Variants in EWSR1 observed in about 807,000 individuals in gnomAD.
EWSR1 encodes the protein EWS RNA binding protein 1.
In EWSR1, 14 loss-of-function variants were observed where a neutral mutation model predicts 92.1. That is an observed-to-expected ratio of 0.15 (90% CI 0.10 to 0.24). The LOEUF is 0.24. Among genes scored for constraint, EWSR1 ranks in the 10% least tolerant of loss-of-function variants. The pLI is 1.00. For missense variants in EWSR1, 637 were observed against 870.9 expected (o/e 0.73, Z 3.38); for synonymous variants, 303 against 292.9 (o/e 1.03, Z -0.35).
At chr22:29,270,777 A>G (rs1472141331) in intron 1 of EWSR1, among the ~76,000 whole-genome samples, 1 of 152,208 alleles carries the variant, frequency 6.6e-6, no homozygotes, top group Non-Finnish European at 1.5e-5. Flanking sequence ...TGCTGTGTTT[A>G]TTTTGTAGAT....
chr22:29,291,944 GA>G, intron 9 of EWSR1, 192 bp from the exon 10 acceptor site: 1 of 615,508 alleles, frequency 1.6e-6, no homozygotes, highest in Non-Finnish European at 2.9e-6. Context: ...ACCAGCAAAG[GA>G]AAAAAGCAAA....
chr22:29,297,963 GCTC>G lies in EWSR1; in HGVS notation c.1417+17_1417+19del, dbSNP rs754083234. ...CACTCCGTGGAGGTACTTTTTCTGA[GCTC>G]CTATGTTGCATTAAAAGGTTTTCAG... is the stretch of plus-strand genomic sequence containing the variant. On this transcript the variant is annotated intron_variant, in intron 13 of 16. Transcript: ENST00000397938. The G allele has an allele frequency of 1.9e-6, 3 of 1,608,556 alleles. No individual in the cohort carries two copies. The South Asian group carries it at 3.3e-5, about 18-fold the overall frequency.
chr22:29,282,614 T>G, intron 6 of EWSR1, 57 bp downstream of exon 6: 2 of 1,436,702 alleles, frequency 1.4e-6, no homozygotes, highest in South Asian at 1.6e-5. Flanking sequence ...TTTTTCAGGT[T>G]GTTGACCAGC....
At chr22:29,268,755 G>C (rs1455055405) in intron 1 of EWSR1, among the ~76,000 whole-genome samples, 1 of 152,264 alleles carries the variant, frequency 6.6e-6, no homozygotes, top group Admixed American at 6.5e-5. Flanking sequence ...GCAGGCTGCT[G>C]TCCCTGTGAG....
intron 8 of EWSR1, 98 bp downstream of exon 8, chr22:29,288,884 C>A: frequency 8.5e-7 from 1 of 1,172,494 alleles, no homozygotes; most frequent in Non-Finnish European, 1.2e-6. Context: ...TTAATTTCTG[C>A]ATTTCCATGG....
Position 29,287,164 on chromosome 22 carries a change from G to A in EWSR1, c.793+30G>A, listed in dbSNP as rs772653683. 7 of 1,599,588 alleles carry A rather than the reference G, an allele frequency of 4.4e-6. No homozygotes were observed. In the South Asian group the frequency reaches 6.7e-5, roughly 15 times the overall value. ...GTTGCTAAGAGAGAAAACCAAATAA[G>A]AATGAATGTGTTTAGAGTTTTTTTG... On this transcript the variant is annotated intron_variant, in intron 7 of 16. Transcript: ENST00000397938.
Position 29,300,142 on chromosome 22 carries a change from G to T in EWSR1, c.1952G>T (p.Arg651Leu). 6.2e-7 allele frequency: 1 copy of T among 1,600,544 alleles called. No individual in the cohort carries two copies. Among genetic ancestry groups the T allele is most frequent in the Non-Finnish European group, 8.5e-7 (1 of 1,176,468 alleles). Residue 651 changes from arginine (R) to leucine (L), a missense_variant, in exon 17 of 17, where the codon CGC becomes CTC. Physicochemically the swap from Arg to Leu is moderately radical, Grantham distance 102. Transcript: ENST00000397938. ...KMDKGEHRQE[R>L]RDRPY ...TGCAGAGGCGAGCACCGTCAGGAGC[G>T]CAGAGATCGGCCCTACTAGATGCAG...
At chr22:29,279,740 C>T (rs2059414230) in intron 5 of EWSR1, among the ~76,000 whole-genome samples, 1 of 152,196 alleles carries the variant, frequency 6.6e-6, no homozygotes, top group African/African-American at 2.4e-5. Flanking sequence ...GTAATCGGAG[C>T]CGCTTGGCAA....
chr22:29,278,275 T>C (rs1313752181), intron 5 of EWSR1, 59 bp downstream of exon 5: 1 of 1,509,374 alleles, frequency 6.6e-7, no homozygotes. Context: ...AAAGCAACTG[T>C]GTACACTTAA....
chr22:29,277,932 T>G, intron 4 of EWSR1, 98 bp from the exon 5 acceptor site: 2 of 1,035,456 alleles, frequency 1.9e-6, no homozygotes, highest in Non-Finnish European at 2.8e-6. Context: ...AATATCCTGA[T>G]GGTTTAAAGT....
At position 29,286,995 on chromosome 22, in the gene EWSR1, C is replaced by G. The variant is rs1055863634; in HGVS notation, c.654C>G (p.Ser218Arg). Residue 218 changes from serine to arginine, a missense_variant, in exon 7 of 17, where the codon AGC (serine) becomes AGG (arginine). Transcript: ENST00000397938. ...AGCAGAACACCTATGGGCAACCGAG[C>G]AGCTATGGACAGCAGAGTAGCTATG... is the stretch of plus-strand genomic sequence containing the variant. ...YSQQNTYGQP[S>R]SYGQQSSYGQ... 6.2e-7 allele frequency: 1 copy of G among 1,613,746 alleles called. No homozygotes were observed. The highest frequency in any genetic ancestry group is 8.5e-7 in the Non-Finnish European group (1 of 1,179,836).
chr22:29,282,369 A>G (rs760990655), intron 5 of EWSR1, 21 bp from the exon 6 acceptor site: 2 of 1,516,882 alleles, frequency 1.3e-6, no homozygotes, highest in Admixed American at 2.5e-5. Flanking sequence ...TTTTAATTTT[A>G]TTTATTATTT....
At chr22:29,293,780 G>A (rs1416010931) in intron 11 of EWSR1, among the ~76,000 whole-genome samples, 1 of 152,084 alleles carries the variant, frequency 6.6e-6, no homozygotes, top group Non-Finnish European at 1.5e-5. Context: ...ATGTTGGTCA[G>A]GCTGGTCTTG....
chr22:29,270,205 G>A (rs888531579), intron 1 of EWSR1, among the ~76,000 whole-genome samples: 3 of 152,164 alleles, frequency 2.0e-5, no homozygotes, highest in African/African-American at 7.2e-5. Flanking sequence ...GTTGCCTTGG[G>A]TTAATAATAG....
At chr22:29,272,338 G>C in intron 2 of EWSR1, 42 bp from the exon 3 acceptor site, 1 of 1,612,862 alleles carries the variant, frequency 6.2e-7, no homozygotes, top group Non-Finnish European at 8.5e-7. Context: ...GGTGGTATTT[G>C]AATGTTCTCT....
chr22:29,286,390 T>C (rs1230102340), intron 6 of EWSR1, among the ~76,000 whole-genome samples: 4 of 151,808 alleles, frequency 2.6e-5, no homozygotes, highest in East Asian at 1.9e-4. Flanking sequence ...ATGGTGGTTA[T>C]AATATTTCCC....
rs2059680553 is a variant in EWSR1 at position 29,282,428 on chromosome 22, C to T, written c.452C>T (p.Pro151Leu). ...DGNKPTETSQ[P>L]QSSTGGYNQP... The stretch of plus-strand genomic sequence containing the variant: ...AACAAGCCCACTGAGACTAGTCAAC[C>T]TCAATCTAGCACAGGGGGTTACAAC... The change falls in exon 6 of 17, where the codon CCT becomes CTT. Residue 151 changes from proline to leucine, a missense_variant. Around this residue, in one of 5 missense-constraint regions of EWSR1, gnomAD observed 144 missense variants for 189.0 expected, o/e 0.76. Coordinates refer to ENST00000397938, the MANE Select transcript of EWSR1 (RefSeq NM_005243.4). 3 of 1,597,712 alleles carry T rather than the reference C, an allele frequency of 1.9e-6. No homozygotes were observed. Among genetic ancestry groups the T allele is most frequent in the Non-Finnish European group, 2.6e-6 (3 of 1,174,270 alleles).
chr22:29,290,795 C>T, intron 8 of EWSR1: 1 of 660,276 alleles, frequency 1.5e-6, no homozygotes, highest in Non-Finnish European at 2.0e-6. Context: ...AGAAAAAACT[C>T]AGGGCCTCCC....
At chr22:29,291,960 A>G in intron 9 of EWSR1, 177 bp from the exon 10 acceptor site, 2 of 646,310 alleles carry the variant, frequency 3.1e-6, no homozygotes, top group Non-Finnish European at 5.4e-6. Context: ...AGCAAACCCT[A>G]GCAAACCTTT....
Sources: allele counts gnomAD v4.1 joint callset (sites outside exome capture counted in the v4.1 genomes callset), GRCh38; gene constraint gnomAD v4.1.1; regional missense constraint gnomAD v4.1.1; transcripts MANE v1.5; gene names NCBI Gene and HGNC (gene_info 2026-07-23, HGNC 2026-07-21).